Variants in IL1RAPL1 observed in about 807,000 individuals in gnomAD.
The protein encoded by IL1RAPL1 is interleukin-1 receptor accessory protein-like 1.
A neutral mutation model predicts 48.4 loss-of-function variants in IL1RAPL1; 3 were observed. The ratio of observed to expected loss-of-function variants is 0.06; its 90% confidence interval spans 0.03 to 0.16. IL1RAPL1 has a LOEUF of 0.16. Ranked by LOEUF, IL1RAPL1 falls within the 10% of genes least tolerant of loss-of-function variation. IL1RAPL1 has a pLI of 1.00. For missense variants in IL1RAPL1, 349 were observed against 530.6 expected, an observed-to-expected ratio of 0.66 and a Z score of 3.36; for synonymous variants, 185 against 187.7, an observed-to-expected ratio of 0.99 and a Z score of 0.12.
intron 1 of IL1RAPL1, among the ~76,000 whole-genome samples, chrX:28,712,756 A>G (rs1286406091): frequency 9.0e-6 from 1 of 111,282 alleles, no homozygotes; most frequent in Non-Finnish European, 1.9e-5. Context: ...AACCCAAACC[A>G]AGTGATAATT....
intron 2 of IL1RAPL1, among the ~76,000 whole-genome samples, chrX:29,067,382 A>G (rs1927473590): frequency 8.9e-6 from 1 of 112,489 alleles, no homozygotes; most frequent in Non-Finnish European, 1.9e-5. Context: ...GAAATGTGCA[A>G]AATGCTAGCT....
intron 6 of IL1RAPL1, among the ~76,000 whole-genome samples, chrX:29,778,280 A>T (rs139139801): frequency 9.1e-4 from 102 of 111,862 alleles, no homozygotes; most frequent in African/African-American, 3.2e-3. Context: ...CCAGACTAGG[A>T]TGTAGACTGT....
chrX:29,093,255 T>A (rs893077163), intron 2 of IL1RAPL1, among the ~76,000 whole-genome samples: 7 of 110,950 alleles, frequency 6.3e-5, no homozygotes, highest in African/African-American at 1.3e-4. Flanking sequence ...CTGCTTGGCT[T>A]CTGGGGAAGC....
chrX:28,898,447 A>G (rs969115793), intron 2 of IL1RAPL1, among the ~76,000 whole-genome samples: 2 of 111,356 alleles, frequency 1.8e-5, no homozygotes, highest in African/African-American at 6.5e-5. Context: ...GTGTGGTGTG[A>G]GGATGGAGTC....
At chrX:29,704,520 T>C (rs1190785165) in intron 6 of IL1RAPL1, among the ~76,000 whole-genome samples, 1 of 109,928 alleles carries the variant, frequency 9.1e-6, no homozygotes, top group African/African-American at 3.3e-5. Flanking sequence ...AATACAAGAA[T>C]TAGCTGGGCA....
chrX:29,802,763 A>ATGTGTGTGTG (rs1361735570), intron 6 of IL1RAPL1, among the ~76,000 whole-genome samples: 87 of 23,793 alleles, frequency 3.7e-3, no homozygotes, highest in African/African-American at 0.02. Context: ...ATATATATAT[A>ATGTGTGTGTG]TATATATATA....
chrX:29,293,043 T>C (rs971646982), intron 3 of IL1RAPL1, among the ~76,000 whole-genome samples: 4 of 111,688 alleles, frequency 3.6e-5, no homozygotes, highest in African/African-American at 9.7e-5. Flanking sequence ...TTCTTGGAGA[T>C]GGTGTTGAAG....
chrX:29,757,563 G>A (rs759667707), intron 6 of IL1RAPL1, among the ~76,000 whole-genome samples: 3 of 111,894 alleles, frequency 2.7e-5, no homozygotes, highest in Non-Finnish European at 5.6e-5. Context: ...ATTTGACTAC[G>A]GTATGTGACT....
chrX:29,706,586 G>A (rs760112659), intron 6 of IL1RAPL1, among the ~76,000 whole-genome samples: 1 of 111,781 alleles, frequency 8.9e-6, no homozygotes, highest in South Asian at 3.7e-4. Flanking sequence ...GCCCCAAAAT[G>A]ATCTCCTTTG....
At chrX:29,203,274 T>C (rs1195189296) in intron 2 of IL1RAPL1, among the ~76,000 whole-genome samples, 1 of 111,536 alleles carries the variant, frequency 9.0e-6, no homozygotes, top group Admixed American at 9.5e-5. Flanking sequence ...TTTGTTTTTA[T>C]TGATACACAA....
intron 3 of IL1RAPL1, among the ~76,000 whole-genome samples, chrX:29,353,280 G>A (rs1199643476): frequency 1.8e-5 from 2 of 111,540 alleles, no homozygotes; most frequent in Non-Finnish European, 3.8e-5. Flanking sequence ...ATTAAATGAA[G>A]CCAAGAAGGG....
intron 2 of IL1RAPL1, among the ~76,000 whole-genome samples, chrX:29,221,620 T>TACACACAC (rs35088625): frequency 4.1e-3 from 327 of 79,419 alleles, no homozygotes; most frequent in Middle Eastern, 6.7e-3. Context: ...TACACACACA[T>TACACACAC]ACACACACAC....
chrX:29,155,195 G>A (rs77873034), intron 2 of IL1RAPL1, among the ~76,000 whole-genome samples: 32,380 of 108,859 alleles, frequency 0.3, 4,860 homozygotes, highest in African/African-American at 0.57. Flanking sequence ...TTTTTTTAGT[G>A]GAGACGGGGT....
chrX:29,869,524 A>G (rs1349801861), intron 6 of IL1RAPL1, among the ~76,000 whole-genome samples: 2 of 111,645 alleles, frequency 1.8e-5, no homozygotes, highest in Admixed American at 1.9e-4. Context: ...ACAAAAGCTA[A>G]GAGTCTCATC....
intron 2 of IL1RAPL1, among the ~76,000 whole-genome samples, chrX:29,193,247 A>C (rs1394971889): frequency 1.8e-5 from 2 of 110,895 alleles, no homozygotes; most frequent in African/African-American, 6.5e-5. Flanking sequence ...TGACAAGTAG[A>C]AATAGGTAAA....
chrX:29,821,810 A>T (rs1930626803), intron 6 of IL1RAPL1, among the ~76,000 whole-genome samples: 1 of 112,646 alleles, frequency 8.9e-6, no homozygotes, highest in Non-Finnish European at 1.9e-5. Flanking sequence ...CCTGAACCTT[A>T]ATCATTTTAT....
chrX:29,228,178 G>GCACA (rs35435025), intron 2 of IL1RAPL1, among the ~76,000 whole-genome samples: 1,932 of 84,351 alleles, frequency 0.023, 24 homozygotes, highest in East Asian at 0.036. Context: ...ACACACGCGT[G>GCACA]CACACACACA....
chrX:28,759,688 A>G (rs977054161), intron 1 of IL1RAPL1, among the ~76,000 whole-genome samples: 2 of 111,979 alleles, frequency 1.8e-5, no homozygotes, highest in African/African-American at 6.5e-5. Flanking sequence ...AGTTTCAGCT[A>G]ATAAATGCAG....
chrX:29,863,864 G>C (rs920770335), intron 6 of IL1RAPL1, among the ~76,000 whole-genome samples: 2 of 110,718 alleles, frequency 1.8e-5, no homozygotes, highest in Non-Finnish European at 3.8e-5. Context: ...TCAGCTCACT[G>C]TAACCTCCGC....
Sources: allele counts gnomAD v4.1 joint callset (sites outside exome capture counted in the v4.1 genomes callset), GRCh38; gene constraint gnomAD v4.1.1; transcripts MANE v1.5; gene names NCBI Gene and HGNC (gene_info 2026-07-23, HGNC 2026-07-21).